The following SVIL variants were observed in gnomAD, a reference collection of about 807,000 sequenced individuals.
SVIL encodes the protein archvillin.
A neutral mutation model predicts 240.4 loss-of-function variants in SVIL; 101 were observed. The ratio of observed to expected loss-of-function variants is 0.42; its 90% CI spans 0.36 to 0.50. SVIL has a LOEUF of 0.50. Among genes scored for constraint, SVIL ranks in the 20% least tolerant of loss-of-function variants. The pLI, the probability that SVIL is intolerant of heterozygous loss-of-function variation, is 0.01. For missense variants in SVIL, 2,512 were observed against 2,818.7 expected (o/e 0.89, Z 2.46); for synonymous variants, 999 against 1,100.0 (o/e 0.91, Z 1.82).
intron 29 of SVIL, among the ~76,000 whole-genome samples, chr10:29,479,993 C>T (rs1302122218): frequency 2.0e-5 from 3 of 152,136 alleles, no homozygotes; most frequent in Admixed American, 2.0e-4. Context: ...CATCAGGAAC[C>T]GAGGAGAGTT....
intron 1 of SVIL, among the ~76,000 whole-genome samples, chr10:29,584,680 T>A (rs970767792): frequency 7.9e-5 from 12 of 152,056 alleles, no homozygotes; most frequent in African/African-American, 2.9e-4. Flanking sequence ...GGCCTTCCCA[T>A]GGAGTCGACA....
chr10:29,615,715 T>C (rs958253608), intron 1 of SVIL, among the ~76,000 whole-genome samples: 6 of 152,212 alleles, frequency 3.9e-5, no homozygotes, highest in Non-Finnish European at 5.9e-5. Context: ...ATTTCACAAA[T>C]ATTTATTGCT....
At chr10:29,509,297 G>A (rs1417760755) in intron 17 of SVIL, among the ~76,000 whole-genome samples, 1 of 149,130 alleles carries the variant, frequency 6.7e-6, no homozygotes, top group Non-Finnish European at 1.5e-5. Context: ...GAAAGAGAAA[G>A]AGGGGGAGAG....
chr10:29,570,202 TAA>T (rs1272269250), intron 1 of SVIL, among the ~76,000 whole-genome samples: 1 of 152,172 alleles, frequency 6.6e-6, no homozygotes, highest in African/African-American at 2.4e-5. Context: ...AGAAATACAA[TAA>T]AATGAAAGGT....
chr10:29,708,817 A>T (rs2479448), intron 1 of SVIL, among the ~76,000 whole-genome samples: 1 of 151,820 alleles, frequency 6.6e-6, no homozygotes, highest in African/African-American at 2.4e-5. Context: ...TGCTCTACTG[A>T]GAAAAACACA....
chr10:29,721,257 C>CAAACAAACAAACAAACA (rs112683847), intron 1 of SVIL, among the ~76,000 whole-genome samples: 1 of 150,018 alleles, frequency 6.7e-6, no homozygotes, highest in East Asian at 2.0e-4. Flanking sequence ...AACAAACAAA[C>CAAACAAACAAACAAACA]AAAAAAACAC....
intron 3 of SVIL, among the ~76,000 whole-genome samples, chr10:29,643,238 C>G (rs1361534852): frequency 6.6e-6 from 1 of 152,228 alleles, no homozygotes; most frequent in Non-Finnish European, 1.5e-5. Context: ...GAAAGTAAGA[C>G]AACAACACTC....
chr10:29,674,101 C>T (rs568939638), intron 2 of SVIL, among the ~76,000 whole-genome samples: 15 of 151,890 alleles, frequency 9.9e-5, no homozygotes, highest in East Asian at 5.8e-4. Flanking sequence ...AAGGCCAAGG[C>T]GGGAGGTTCA....
chr10:29,700,040 A>C (rs1962385831), intron 1 of SVIL, among the ~76,000 whole-genome samples: 2 of 152,226 alleles, frequency 1.3e-5, no homozygotes, highest in Non-Finnish European at 2.9e-5. Flanking sequence ...AGAAGTGAAA[A>C]AGTAAGATAT....
At chr10:29,525,368 C>T (rs151235109) in intron 13 of SVIL, among the ~76,000 whole-genome samples, 2 of 152,300 alleles carry the variant, frequency 1.3e-5, no homozygotes, top group East Asian at 3.9e-4. Flanking sequence ...TGGCTCATAT[C>T]TATGGAAGGC....
At chr10:29,602,240 C>T (rs769836875) in intron 1 of SVIL, 2 of 530,296 alleles carry the variant, frequency 3.8e-6, no homozygotes, top group Admixed American at 2.0e-5. Flanking sequence ...TCATGAAGTG[C>T]CCCCTGGTAC....
At position 29,458,079 on chromosome 10, in the gene SVIL, A is replaced by G; in HGVS notation, c.*168T>C. On this transcript the variant is annotated 3_prime_UTR_variant, in exon 38 of 38. Coordinates refer to ENST00000355867, the MANE Select transcript of SVIL (RefSeq NM_021738.3). ...TTCCAAACAGTTCCCTTGAACATTT[A>G]CAAAATACACAACTCCGGGACAAGC... The G allele has an allele frequency of 9.1e-6, 6 of 661,980 alleles. No individual in the cohort carries two copies. Among genetic ancestry groups the G allele is most frequent in the Non-Finnish European group, 1.5e-5 (6 of 399,960 alleles). 41.0% of individuals were successfully genotyped at this position (661,980 alleles called of 1,614,324 possible).
intron 1 of SVIL, among the ~76,000 whole-genome samples, chr10:29,613,172 CAA>C (rs549906216): frequency 1.3e-4 from 7 of 53,844 alleles, no homozygotes; most frequent in Admixed American, 4.6e-4. Context: ...GACTCCATCT[CAA>C]AAAAAAAAAA....
chr10:29,582,464 CG>C (rs1955985261), intron 1 of SVIL, among the ~76,000 whole-genome samples: 1 of 152,078 alleles, frequency 6.6e-6, no homozygotes, highest in African/African-American at 2.4e-5. Flanking sequence ...TTCCCAGGAA[CG>C]GTGGCTCACA....
intron 1 of SVIL, among the ~76,000 whole-genome samples, chr10:29,721,689 A>C (rs1963990994): frequency 6.6e-6 from 1 of 152,250 alleles, no homozygotes; most frequent in Non-Finnish European, 1.5e-5. Context: ...CACCTTAATA[A>C]TAGCTATGCA....
At chr10:29,591,713 G>C (rs1956397413) in intron 1 of SVIL, among the ~76,000 whole-genome samples, 1 of 152,196 alleles carries the variant, frequency 6.6e-6, no homozygotes, top group Admixed American at 6.5e-5. Flanking sequence ...CAGCACATTA[G>C]GTGCTATAGG....
chr10:29,612,730 A>G (rs1479299933), intron 1 of SVIL, among the ~76,000 whole-genome samples: 2 of 152,234 alleles, frequency 1.3e-5, no homozygotes, highest in African/African-American at 4.8e-5. Flanking sequence ...AAAGATTTCA[A>G]AAAGTTTAAA....
At chr10:29,604,550 A>C (rs2132851190) in intron 1 of SVIL, among the ~76,000 whole-genome samples, 1 of 144,770 alleles carries the variant, frequency 6.9e-6, no homozygotes, top group Middle Eastern at 3.6e-3. Context: ...TTGTGCCTTT[A>C]TTTATTTATT....
At position 29,523,651 on chromosome 10, in the gene SVIL, T is replaced by A. The variant is rs367906431; in HGVS notation, c.2963A>T (p.His988Leu). The change falls in exon 15 of 38, where the codon CAT becomes CTT. Residue 988 changes from histidine (H) to leucine (L), a missense_variant. By Grantham distance (99) the His-to-Leu change is moderately conservative. Around this residue, in one of 3 missense-constraint regions of SVIL, gnomAD observed 1,443 missense variants for 1,486.6 expected, o/e 0.97. Coordinates refer to ENST00000355867, the MANE Select transcript of SVIL (RefSeq NM_021738.3). The stretch of plus-strand genomic sequence containing the variant: ...GGGAACAGCATATTTAGATTCCTTA[T>A]GGCTGTCTCCTTCCCTGGCTCGGTT... ...ILNRAREGDS[H>L]KESKYAVPRR... is the part of the protein sequence containing the mutation. 1 of 1,614,146 alleles carries A rather than the reference T, an allele frequency of 6.2e-7. No individual in the cohort carries two copies. Among genetic ancestry groups the A allele is most frequent in the Non-Finnish European group, 8.5e-7 (1 of 1,179,998 alleles).
Sources: allele counts gnomAD v4.1 joint callset (sites outside exome capture counted in the v4.1 genomes callset), GRCh38; gene constraint gnomAD v4.1.1; regional missense constraint gnomAD v4.1.1; transcripts MANE v1.5; gene names NCBI Gene and HGNC (gene_info 2026-07-23, HGNC 2026-07-21).